DOCK5: variants seen among roughly 807,000 people sequenced by gnomAD.
DOCK5 encodes dedicator of cytokinesis 5.
In DOCK5, 142 loss-of-function variants were observed where a neutral mutation model predicts 251.8. That is an observed-to-expected ratio of 0.56 (90% CI 0.49 to 0.65). The LOEUF is 0.65. DOCK5 is among the 30% of genes least tolerant of loss of function. DOCK5 has a pLI of 0.00. For synonymous variants in DOCK5, 842 were observed against 835.5 expected (o/e 1.01, Z -0.13); for missense variants, 2,111 against 2,312.3 (o/e 0.91, Z 1.79).
chr8:25,236,930 A>G (rs1252367436), intron 1 of DOCK5, among the ~76,000 whole-genome samples: 1 of 152,100 alleles, frequency 6.6e-6, no homozygotes, highest in African/African-American at 2.4e-5. Flanking sequence ...TGAATGATAT[A>G]TGTCTCCAAT....
At chr8:25,192,691 T>C (rs565995170) in intron 1 of DOCK5, among the ~76,000 whole-genome samples, 2 of 152,156 alleles carry the variant, frequency 1.3e-5, no homozygotes, top group Non-Finnish European at 2.9e-5. Flanking sequence ...GTTGTTGTTT[T>C]CGTAGACACA....
chr8:25,296,177 A>T (rs1357902981), intron 6 of DOCK5, among the ~76,000 whole-genome samples: 1 of 152,186 alleles, frequency 6.6e-6, no homozygotes. Context: ...TATTTACTTC[A>T]TAGTTCCTCT....
chr8:25,402,170 C>T (rs921296344), intron 47 of DOCK5, among the ~76,000 whole-genome samples: 3 of 152,076 alleles, frequency 2.0e-5, no homozygotes, highest in African/African-American at 7.2e-5. Flanking sequence ...TCTTTGTCAC[C>T]CAGGCTGAAG....
chr8:25,262,820 C>CG (rs1803630027), intron 2 of DOCK5, among the ~76,000 whole-genome samples: 1 of 150,774 alleles, frequency 6.6e-6, no homozygotes, highest in Admixed American at 6.6e-5. Flanking sequence ...AATATAGATA[C>CG]AATTTTTTTT....
intron 1 of DOCK5, among the ~76,000 whole-genome samples, chr8:25,220,033 CTCTT>C (rs1219757956): frequency 6.9e-6 from 1 of 144,758 alleles, no homozygotes; most frequent in Admixed American, 7.2e-5. Flanking sequence ...TATTGTCCTT[CTCTT>C]TGTTTCACAG....
At chr8:25,289,771 T>G (rs2468892) in intron 5 of DOCK5, among the ~76,000 whole-genome samples, 152,070 of 152,076 alleles carry the variant, frequency 1, 76,032 homozygotes, top group Middle Eastern at 1. Flanking sequence ...GAACGCGGGA[T>G]GGGGAGGTTG....
intron 2 of DOCK5, among the ~76,000 whole-genome samples, chr8:25,264,115 CA>C (rs1803667703): frequency 6.6e-6 from 1 of 151,862 alleles, no homozygotes; most frequent in South Asian, 2.1e-4. Context: ...ATAATCCTAG[CA>C]CTTTGGGAGG....
chr8:25,380,005 G>A (rs1302169875), intron 38 of DOCK5, among the ~76,000 whole-genome samples: 1 of 152,172 alleles, frequency 6.6e-6, no homozygotes, highest in Admixed American at 6.5e-5. Context: ...AAGTGCTGTA[G>A]GTGCTTGACC....
At chr8:25,202,936 G>A (rs1333433249) in intron 1 of DOCK5, among the ~76,000 whole-genome samples, 2 of 152,158 alleles carry the variant, frequency 1.3e-5, no homozygotes, top group Non-Finnish European at 2.9e-5. Context: ...AGCCACAGAA[G>A]GTGACACAGG....
chr8:25,372,502 T>C, intron 34 of DOCK5, 57 bp from the exon 35 acceptor site: 1 of 1,518,448 alleles, frequency 6.6e-7, no homozygotes, highest in Non-Finnish European at 8.8e-7. Context: ...TGCTGGTCAG[T>C]GCTGCTGGAA....
intron 2 of DOCK5, among the ~76,000 whole-genome samples, chr8:25,261,491 G>A (rs765324870): frequency 1.3e-5 from 2 of 152,162 alleles, no homozygotes; most frequent in African/African-American, 2.4e-5. Context: ...TGTTTCAGAG[G>A]CATTTCCAAA....
At chr8:25,299,213 T>C in intron 8 of DOCK5, 112 bp downstream of exon 8, 2 of 1,260,760 alleles carry the variant, frequency 1.6e-6, no homozygotes, top group Non-Finnish European at 2.2e-6. Context: ...TAGGGAAGCA[T>C]GGAAGATTTC....
intron 13 of DOCK5, among the ~76,000 whole-genome samples, chr8:25,315,925 G>T (rs1805237320): frequency 6.6e-6 from 1 of 152,136 alleles, no homozygotes; most frequent in South Asian, 2.1e-4. Context: ...AAAAGGTTTT[G>T]TTTTTTACAT....
intron 2 of DOCK5, among the ~76,000 whole-genome samples, chr8:25,245,402 C>G (rs1338906719): frequency 1.3e-5 from 2 of 152,054 alleles, no homozygotes; most frequent in African/African-American, 4.8e-5. Flanking sequence ...TGTCAGGAGG[C>G]CAGGTTAATT....
At chr8:25,188,221 T>G (rs1412906082) in intron 1 of DOCK5, among the ~76,000 whole-genome samples, 1 of 152,230 alleles carries the variant, frequency 6.6e-6, no homozygotes, top group African/African-American at 2.4e-5. Flanking sequence ...GCCTCCACTC[T>G]GTCTTTATCT....
intron 42 of DOCK5, 146 bp from the exon 43 acceptor site, chr8:25,391,750 C>A: frequency 1.9e-6 from 1 of 534,826 alleles, no homozygotes; most frequent in Non-Finnish European, 3.3e-6. Context: ...CTTTCTCAGG[C>A]CTTCATGTGG....
intron 48 of DOCK5, among the ~76,000 whole-genome samples, chr8:25,407,028 T>G (rs1801534890): frequency 6.6e-6 from 1 of 152,214 alleles, no homozygotes; most frequent in South Asian, 2.1e-4. Flanking sequence ...CTATAGAATA[T>G]TTAAGCTGTA....
At chr8:25,318,788 G>A (rs1805340050) in intron 14 of DOCK5, among the ~76,000 whole-genome samples, 1 of 151,672 alleles carries the variant, frequency 6.6e-6, no homozygotes, top group African/African-American at 2.4e-5. Context: ...GGTAACCAAG[G>A]ACCAAGCTCT....
At chr8:25,192,507 T>C (rs562025897) in intron 1 of DOCK5, among the ~76,000 whole-genome samples, 1 of 152,224 alleles carries the variant, frequency 6.6e-6, no homozygotes, top group Non-Finnish European at 1.5e-5. Flanking sequence ...CTGTATTCTT[T>C]TTTGTTTTTC....
Sources: allele counts gnomAD v4.1 joint callset (sites outside exome capture counted in the v4.1 genomes callset), GRCh38; gene constraint gnomAD v4.1.1; transcripts MANE v1.5; gene names NCBI Gene and HGNC (gene_info 2026-07-23, HGNC 2026-07-21).